The following TNKS variants were observed in gnomAD, a reference collection of about 807,000 sequenced individuals.
The protein encoded by TNKS is tankyrase, also known as poly [ADP-ribose] polymerase tankyrase-1.
TNKS carries 72 observed loss-of-function variants against 135.8 expected under a neutral mutation model. The ratio of observed to expected loss-of-function variants is 0.53; its 90% CI spans 0.44 to 0.64. The LOEUF (loss-of-function observed/expected upper bound fraction) is 0.64. Among genes scored for constraint, TNKS ranks in the 30% least tolerant of loss-of-function variants. The probability of loss-of-function intolerance (pLI) is 0.00; values close to 1 mark genes in which losing one functional copy is unlikely to be tolerated. For synonymous variants in TNKS, 849 were observed against 649.3 expected (o/e 1.31, Z -4.68); for missense variants, 1,769 against 1,674.0 (o/e 1.06, Z -0.99).
intron 3 of TNKS, among the ~76,000 whole-genome samples, chr8:9,627,674 G>A (rs1041283269): frequency 6.6e-6 from 1 of 152,034 alleles, no homozygotes; most frequent in Non-Finnish European, 1.5e-5. Flanking sequence ...AGGCAAAACT[G>A]TTTGTTTGTG....
chr8:9,700,797 C>G (rs898261526), intron 5 of TNKS, among the ~76,000 whole-genome samples: 1 of 152,120 alleles, frequency 6.6e-6, no homozygotes, highest in East Asian at 1.9e-4. Context: ...ATTACAGAGC[C>G]TGCTAATTTA....
intron 18 of TNKS, among the ~76,000 whole-genome samples, chr8:9,750,809 GC>G: frequency 6.6e-6 from 1 of 152,214 alleles, no homozygotes; most frequent in Non-Finnish European, 1.5e-5. Context: ...TTCTGGTTTT[GC>G]AGTTACCTGC....
intron 2 of TNKS, among the ~76,000 whole-genome samples, chr8:9,583,191 T>G (rs1798235907): frequency 6.6e-6 from 1 of 150,836 alleles, no homozygotes; most frequent in African/African-American, 2.4e-5. Context: ...AAAAGTCCAT[T>G]TAGAAATCTT....
chr8:9,696,806 A>G (rs528783323), intron 5 of TNKS, among the ~76,000 whole-genome samples: 124 of 152,344 alleles, frequency 8.1e-4, no homozygotes, highest in African/African-American at 2.8e-3. Context: ...CAGAGATGAT[A>G]CAAACAAATG....
intron 2 of TNKS, among the ~76,000 whole-genome samples, chr8:9,585,964 A>G (rs913895682): frequency 1.3e-5 from 2 of 152,200 alleles, no homozygotes; most frequent in African/African-American, 4.8e-5. Flanking sequence ...TTTCAGCATT[A>G]AAATGGGAAT....
Position 9,726,650 on chromosome 8 carries a change from C to A in TNKS, c.1931C>A (p.Pro644His). ...CCTTCCTTTTATGCAGAGAGTACAC[C>A]TATACGTACTTCTGATGTTGATTAT... ...AVQQILSEST[P>H]IRTSDVDYRL... Residue 644 changes from proline to histidine, a missense_variant, in exon 13 of 27, where the codon CCT becomes CAT. Transcript: ENST00000310430. 1 of 1,611,874 alleles carries A rather than the reference C, an allele frequency of 6.2e-7. No homozygotes were observed. Among genetic ancestry groups the A allele is most frequent in the Non-Finnish European group, 8.5e-7 (1 of 1,178,614 alleles).
intron 1 of TNKS, among the ~76,000 whole-genome samples, chr8:9,569,920 C>G (rs889137684): frequency 4.6e-5 from 7 of 151,924 alleles, no homozygotes; most frequent in Non-Finnish European, 8.8e-5. Flanking sequence ...TTTTTTTAAT[C>G]TATAAACTTT....
chr8:9,710,062 G>T lies in TNKS; in HGVS notation c.1670+16G>T. On this transcript the variant is annotated intron_variant, in intron 10 of 26. Transcript: ENST00000310430. ...AAAATAAAGAGTAAGTATAATTGCA[G>T]AAGGAGTTGTTCAGTTCCTAAAGAG... 1 of 1,611,620 alleles carries T rather than the reference G, an allele frequency of 6.2e-7. No individual in the cohort carries two copies. Among genetic ancestry groups the T allele is most frequent in the Admixed American group, 1.7e-5 (1 of 60,010 alleles).
intron 11 of TNKS, among the ~76,000 whole-genome samples, chr8:9,718,779 G>A (rs1804729803): frequency 6.6e-6 from 1 of 152,160 alleles, no homozygotes; most frequent in Non-Finnish European, 1.5e-5. Context: ...CCACAGTTGA[G>A]GGGTAACATT....
At chr8:9,644,843 C>G (rs1324974897) in intron 3 of TNKS, among the ~76,000 whole-genome samples, 3 of 152,016 alleles carry the variant, frequency 2.0e-5, no homozygotes, top group African/African-American at 7.2e-5. Flanking sequence ...CCCATACAAC[C>G]ATTCTGTTTT....
At chr8:9,589,388 A>G (rs755269683) in intron 2 of TNKS, among the ~76,000 whole-genome samples, 5 of 152,226 alleles carry the variant, frequency 3.3e-5, no homozygotes, top group Admixed American at 6.5e-5. Flanking sequence ...AACTGCATGT[A>G]AAGTTGGAGA....
chr8:9,741,991 A>C (rs1450634726), intron 17 of TNKS, among the ~76,000 whole-genome samples: 1 of 152,144 alleles, frequency 6.6e-6, no homozygotes, highest in African/African-American at 2.4e-5. Context: ...TATGTTTGTT[A>C]AATCCCTACT....
chr8:9,761,449 T>C (rs1266860071), intron 20 of TNKS, 67 bp from the exon 21 acceptor site: 5 of 1,539,918 alleles, frequency 3.2e-6, no homozygotes, highest in African/African-American at 2.8e-5. Flanking sequence ...TTGAAGGCAA[T>C]TGGAAAAGCT....
intron 1 of TNKS, chr8:9,557,466 TAAAG>T (rs1815373950): frequency 6.7e-6 from 1 of 149,872 alleles, no homozygotes; most frequent in Non-Finnish European, 1.5e-5. Context: ...GTTTATAAAA[TAAAG>T]AGAACTGTAA....
chr8:9,587,681 C>T (rs1211291982), intron 2 of TNKS, among the ~76,000 whole-genome samples: 5 of 152,098 alleles, frequency 3.3e-5, no homozygotes, highest in Non-Finnish European at 7.4e-5. Flanking sequence ...GGATTACAGG[C>T]GTGAGCCACT....
At chr8:9,584,580 G>T (rs1219654599) in intron 2 of TNKS, among the ~76,000 whole-genome samples, 8 of 152,134 alleles carry the variant, frequency 5.3e-5, no homozygotes, top group Non-Finnish European at 1.2e-4. Context: ...TGTCATTTCA[G>T]TCTAAGATAG....
At chr8:9,591,429 T>C (rs1236854290) in intron 2 of TNKS, among the ~76,000 whole-genome samples, 2 of 152,238 alleles carry the variant, frequency 1.3e-5, no homozygotes, top group East Asian at 1.9e-4. Flanking sequence ...TTCACTTCTC[T>C]TGGATGGATC....
At chr8:9,688,368 T>A (rs1803106315) in intron 5 of TNKS, among the ~76,000 whole-genome samples, 2 of 152,240 alleles carry the variant, frequency 1.3e-5, no homozygotes, top group South Asian at 4.1e-4. Flanking sequence ...GATGAGTTAA[T>A]TATGGATTTA....
At chr8:9,767,192 C>CT (rs1807503855) in intron 25 of TNKS, among the ~76,000 whole-genome samples, 1 of 152,152 alleles carries the variant, frequency 6.6e-6, no homozygotes, top group African/African-American at 2.4e-5. Flanking sequence ...GCCTTGGCAA[C>CT]TTAAAATATC....
Sources: allele counts gnomAD v4.1 joint callset (sites outside exome capture counted in the v4.1 genomes callset), GRCh38; gene constraint gnomAD v4.1.1; transcripts MANE v1.5; gene names NCBI Gene and HGNC (gene_info 2026-07-23, HGNC 2026-07-21).